Variants in PDE1C observed in about 807,000 individuals in gnomAD.
The protein encoded by PDE1C is phosphodiesterase 1C.
Under a neutral mutation model 93.1 loss-of-function variants are expected in PDE1C, and 62 were observed. The ratio of observed to expected loss-of-function variants is 0.67; its 90% CI spans 0.54 to 0.82. PDE1C has a LOEUF of 0.82. Ranked by LOEUF, PDE1C falls within the 40% of genes least tolerant of loss-of-function variation. PDE1C has a pLI of 0.00. For synonymous variants in PDE1C, 325 were observed against 310.1 expected (o/e 1.05, Z -0.50); for missense variants, 742 against 884.6 (o/e 0.84, Z 2.04).
chr7:32,326,263 C>A (rs1385088131), intron 1 of PDE1C, among the ~76,000 whole-genome samples: 1 of 152,136 alleles, frequency 6.6e-6, no homozygotes, highest in East Asian at 1.9e-4. Context: ...GTTGCATATG[C>A]AAGTCTGGTA....
chr7:31,975,376 T>C (rs1811528462), intron 2 of PDE1C, among the ~76,000 whole-genome samples: 2 of 152,192 alleles, frequency 1.3e-5, no homozygotes, highest in Non-Finnish European at 2.9e-5. Flanking sequence ...TCTGCAATTC[T>C]ATCAAAATGT....
intron 16 of PDE1C, among the ~76,000 whole-genome samples, chr7:31,795,299 T>C (rs902436033): frequency 2.6e-5 from 4 of 151,956 alleles, no homozygotes; most frequent in African/African-American, 9.7e-5. Flanking sequence ...GGCAAATATA[T>C]TGTTACTTGT....
At chr7:32,014,850 AGTCATTT>A (rs59757720) in intron 2 of PDE1C, among the ~76,000 whole-genome samples, 13,446 of 152,232 alleles carry the variant, frequency 0.088, 826 homozygotes, top group Non-Finnish European at 0.13. Context: ...ATACACATTA[AGTCATTT>A]GTATGTGATA....
chr7:32,404,598 C>A (rs950562898), intron 1 of PDE1C, among the ~76,000 whole-genome samples: 2 of 152,114 alleles, frequency 1.3e-5, no homozygotes, highest in African/African-American at 4.8e-5. Flanking sequence ...TGGGCTCAAG[C>A]AATCCTCCTG....
intron 13 of PDE1C, 40 bp from the exon 14 acceptor site, chr7:31,823,288 G>A: frequency 3.2e-6 from 5 of 1,559,222 alleles, no homozygotes; most frequent in Non-Finnish European, 3.5e-6. Context: ...GAGAGTTAGT[G>A]TTTGGAAAAT....
intron 1 of PDE1C, among the ~76,000 whole-genome samples, chr7:32,250,067 A>C (rs1286772109): frequency 6.6e-6 from 1 of 152,196 alleles, no homozygotes; most frequent in East Asian, 1.9e-4. Context: ...AGCATGTTTC[A>C]ATCTATAGCT....
At chr7:31,763,348 T>C (rs986684935) in intron 17 of PDE1C, among the ~76,000 whole-genome samples, 2 of 152,056 alleles carry the variant, frequency 1.3e-5, no homozygotes, top group African/African-American at 4.8e-5. Flanking sequence ...TTGTCTAAGG[T>C]GATAATCTAT....
chr7:32,023,152 C>T (rs947333278), intron 2 of PDE1C, among the ~76,000 whole-genome samples: 2 of 152,030 alleles, frequency 1.3e-5, no homozygotes, highest in African/African-American at 4.8e-5. Flanking sequence ...ATAGGACATA[C>T]TGCTACACAA....
At chr7:32,159,092 T>C (rs978732201) in intron 3 of PDE1C, among the ~76,000 whole-genome samples, 10 of 152,320 alleles carry the variant, frequency 6.6e-5, no homozygotes, top group African/African-American at 2.4e-4. Flanking sequence ...TGCATCGATC[T>C]CTGTGAGGTC....
chr7:31,646,831 G>T, the PDE1C span, among the ~76,000 whole-genome samples: 1 of 152,150 alleles, frequency 6.6e-6, no homozygotes, highest in Non-Finnish European at 1.5e-5. Context: ...CTAATGCCTT[G>T]TCTCCTATTG....
intron 3 of PDE1C, among the ~76,000 whole-genome samples, chr7:32,095,695 T>C (rs1797714545): frequency 6.6e-6 from 1 of 152,236 alleles, no homozygotes; most frequent in South Asian, 2.1e-4. Context: ...CAGTTTAGTT[T>C]ACAGAATTAG....
upstream of PDE1C, among the ~76,000 whole-genome samples, chr7:32,301,157 A>G (rs1185069758): frequency 6.6e-6 from 1 of 152,110 alleles, no homozygotes; most frequent in African/African-American, 2.4e-5. Flanking sequence ...GTATTTTTTA[A>G]TATAGTAACC....
the PDE1C span, among the ~76,000 whole-genome samples, chr7:31,741,549 T>C: frequency 3.9e-5 from 6 of 152,346 alleles, no homozygotes; most frequent in African/African-American, 1.2e-4. Context: ...GTATCTTATT[T>C]TTCACTTTAA....
At chr7:32,192,127 A>G (rs1259459227) in intron 2 of PDE1C, among the ~76,000 whole-genome samples, 1 of 152,074 alleles carries the variant, frequency 6.6e-6, no homozygotes, top group Admixed American at 6.5e-5. Context: ...CCTTTGTTGC[A>G]TATGTGGTTT....
chr7:31,782,878 C>T (rs770490215), intron 16 of PDE1C, among the ~76,000 whole-genome samples: 2 of 152,152 alleles, frequency 1.3e-5, no homozygotes, highest in African/African-American at 2.4e-5. Context: ...TTGTGTTAGG[C>T]GATTTTGCCC....
At chr7:32,049,160 C>G (rs1012516925) in intron 2 of PDE1C, among the ~76,000 whole-genome samples, 11 of 152,152 alleles carry the variant, frequency 7.2e-5, no homozygotes, top group African/African-American at 2.7e-4. Flanking sequence ...AATTTACATC[C>G]TGCTCAGTGG....
intron 1 of PDE1C, among the ~76,000 whole-genome samples, chr7:32,231,137 C>T (rs1274601941): frequency 6.6e-6 from 1 of 152,260 alleles, no homozygotes; most frequent in Non-Finnish European, 1.5e-5. Context: ...TTGGTCATAA[C>T]ATAGAAGTCA....
chr7:32,282,292 C>G (rs142749618), intron 1 of PDE1C, among the ~76,000 whole-genome samples: 6,298 of 151,790 alleles, frequency 0.041, 477 homozygotes, highest in African/African-American at 0.14. Context: ...GCCTGACTAA[C>G]ATGGAGAAAC....
At chr7:31,637,605 T>TGGAC in the PDE1C span, among the ~76,000 whole-genome samples, 1 of 152,228 alleles carries the variant, frequency 6.6e-6, no homozygotes, top group Non-Finnish European at 1.5e-5. Context: ...CTCGTAAATT[T>TGGAC]GTTTGAGTTC....
Sources: allele counts gnomAD v4.1 joint callset (sites outside exome capture counted in the v4.1 genomes callset), GRCh38; gene constraint gnomAD v4.1.1; transcripts MANE v1.5; gene names NCBI Gene and HGNC (gene_info 2026-07-23, HGNC 2026-07-21).